The following NOTCH2 variants were observed in gnomAD, a reference collection of about 807,000 sequenced individuals.
The protein encoded by NOTCH2 is notch receptor 2.
Under a neutral mutation model 235.8 loss-of-function variants are expected in NOTCH2, and 29 were observed. The ratio of observed to expected loss-of-function variants is 0.12; its 90% CI spans 0.09 to 0.17. The LOEUF (loss-of-function observed/expected upper bound fraction) is 0.17, where lower values mean the gene tolerates loss of function less well. NOTCH2 is among the 10% of genes least tolerant of loss of function. The probability of loss-of-function intolerance (pLI) is 1.00; values close to 1 mark genes in which losing one functional copy is unlikely to be tolerated. For missense variants in NOTCH2, 2,285 were observed against 3,150.2 expected, an observed-to-expected ratio of 0.73 and a Z score of 6.57; for synonymous variants, 1,086 against 1,141.5, an observed-to-expected ratio of 0.95 and a Z score of 0.98.
chr1:119,937,502 A>G (rs781914429), intron 20 of NOTCH2, 36 bp from the exon 21 acceptor site: 3 of 1,587,870 alleles, frequency 1.9e-6, no homozygotes, highest in Non-Finnish European at 2.6e-6. Flanking sequence ...GTCATAGAAG[A>G]ACATGTGACA....
intron 3 of NOTCH2, among the ~76,000 whole-genome samples, chr1:120,005,003 G>C (rs1170053451): frequency 6.6e-6 from 1 of 152,184 alleles, no homozygotes; most frequent in Non-Finnish European, 1.5e-5. Flanking sequence ...TCCCAGGCTG[G>C]TCTCAAACCT....
chr1:119,951,330 C>T (rs587658549), intron 14 of NOTCH2, among the ~76,000 whole-genome samples: 355 of 152,064 alleles, frequency 2.3e-3, no homozygotes, highest in Non-Finnish European at 3.3e-3. Flanking sequence ...TTTTAAATTT[C>T]TTGTAGAGAT....
intron 24 of NOTCH2, 121 bp from the exon 25 acceptor site, chr1:119,925,931 C>G (rs1254436099): frequency 8.5e-7 from 1 of 1,182,850 alleles, no homozygotes; most frequent in Non-Finnish European, 1.2e-6. Flanking sequence ...TCAGCCCAAG[C>G]CAAGGTTACT....
intron 2 of NOTCH2, among the ~76,000 whole-genome samples, chr1:120,027,785 G>A (rs587716009): frequency 6.6e-6 from 1 of 150,710 alleles, no homozygotes; most frequent in Non-Finnish European, 1.5e-5. Context: ...CTTCATCCAT[G>A]TCCCTGCAAA....
Position 120,069,483 on chromosome 1 carries a change from G to A in NOTCH2, c.-77C>T, listed in dbSNP as rs1359916411. On this transcript the variant is annotated 5_prime_UTR_variant, in exon 1 of 34. Transcript: ENST00000256646. Reference sequence around the variant, plus strand: ...ACATGGGGAGGGGGTCCCGATAGAGGAGCCCCACTCTCTCCTCCCCTCCTC... The same window carrying A: ...ACATGGGGAGGGGGTCCCGATAGAGAAGCCCCACTCTCTCCTCCCCTCCTC... 1.1e-5 allele frequency: 16 copies of A among 1,492,882 alleles called. No individual in the cohort carries two copies. Among genetic ancestry groups the A allele is most frequent in the Admixed American group, 9.8e-5 (4 of 40,938 alleles). The allele number at this position is 1,492,882 out of a possible 1,614,324, so 92.5% of individuals were successfully genotyped here.
chr1:120,036,914 C>T (rs1474982959), intron 1 of NOTCH2, among the ~76,000 whole-genome samples: 1 of 152,220 alleles, frequency 6.6e-6, no homozygotes, highest in Admixed American at 6.5e-5. Flanking sequence ...ATCATACCAG[C>T]TACATATCAC....
intron 1 of NOTCH2, among the ~76,000 whole-genome samples, chr1:120,039,808 C>T (rs1553212481): frequency 6.7e-6 from 1 of 149,860 alleles, no homozygotes; most frequent in African/African-American, 2.4e-5. Context: ...AATCTTCTTG[C>T]TATACACCCA....
At chr1:119,953,421 G>T in intron 14 of NOTCH2, 122 bp downstream of exon 14, 1 of 1,060,208 alleles carries the variant, frequency 9.4e-7, no homozygotes, top group South Asian at 1.3e-5. Flanking sequence ...AAGTCTAATT[G>T]CTCAATATGT....
At chr1:120,006,011 C>T (rs1291836332) in intron 2 of NOTCH2, among the ~76,000 whole-genome samples, 2 of 149,008 alleles carry the variant, frequency 1.3e-5, no homozygotes, top group Admixed American at 6.7e-5. Flanking sequence ...AAGATGTCCA[C>T]AATATAATGC....
At chr1:120,050,186 CACA>C (rs1371850575) in intron 1 of NOTCH2, among the ~76,000 whole-genome samples, 1 of 97,342 alleles carries the variant, frequency 1.0e-5, no homozygotes, top group East Asian at 2.8e-4. Context: ...TCTAGTCAAA[CACA>C]ACAAGATTTA....
At chr1:119,963,506 A>G in intron 11 of NOTCH2, 68 bp downstream of exon 11, 1 of 1,360,446 alleles carries the variant, frequency 7.4e-7, no homozygotes, top group Non-Finnish European at 1.1e-6. Context: ...AACAGTCTGA[A>G]ACATCTGTGT....
chr1:119,954,811 T>A (rs1553198206), intron 13 of NOTCH2, among the ~76,000 whole-genome samples: 1 of 152,224 alleles, frequency 6.6e-6, no homozygotes, highest in African/African-American at 2.4e-5. Flanking sequence ...ATGACCCATA[T>A]AAGGGAGACA....
chr1:119,931,075 C>T (rs587611209), intron 22 of NOTCH2, among the ~76,000 whole-genome samples: 4 of 147,928 alleles, frequency 2.7e-5, no homozygotes, highest in Admixed American at 2.7e-4. Context: ...TGCACTCCAG[C>T]CTGGGCAACA....
rs781833218 is a variant in NOTCH2, at chr1:119,997,339, G to A, written c.416-7C>T. On this transcript the variant is annotated splice_polypyrimidine_tract_variant and splice_region_variant and intron_variant, in intron 3 of 33. Transcript: ENST00000256646. Reference sequence around the variant, plus strand: ...GTCCATTGGCACTCCTTACCTAAAGGAAGGATAACAAAACTCAGTACTGGC... The same window carrying A: ...GTCCATTGGCACTCCTTACCTAAAGAAAGGATAACAAAACTCAGTACTGGC... 9.9e-6 allele frequency: 16 copies of A among 1,613,532 alleles called. No homozygotes were observed. The highest frequency in any genetic ancestry group is 1.4e-5 in the Non-Finnish European group (16 of 1,179,626).
chr1:119,970,012 A>G (rs782218703), intron 5 of NOTCH2, among the ~76,000 whole-genome samples: 1 of 152,216 alleles, frequency 6.6e-6, no homozygotes, highest in Non-Finnish European at 1.5e-5. Flanking sequence ...AAGAGAAGGT[A>G]AAACCTGTAG....
intron 5 of NOTCH2, among the ~76,000 whole-genome samples, chr1:119,979,942 A>G (rs1651748980): frequency 2.0e-5 from 3 of 152,178 alleles, no homozygotes; most frequent in Admixed American, 2.0e-4. Flanking sequence ...AAAATTAAAA[A>G]AAAGACATAG....
At chr1:120,006,867 T>C (rs1553206369) in intron 2 of NOTCH2, among the ~76,000 whole-genome samples, 13 of 152,170 alleles carry the variant, frequency 8.5e-5, no homozygotes, top group Non-Finnish European at 4.4e-5. Context: ...TCCAAGACCT[T>C]TCATTAACCA....
At chr1:120,065,821 T>C (rs1284833629) in intron 1 of NOTCH2, among the ~76,000 whole-genome samples, 3 of 152,166 alleles carry the variant, frequency 2.0e-5, no homozygotes, top group East Asian at 3.8e-4. Context: ...AAATCAATAG[T>C]TCAAATTTAG....
chr1:119,919,750 G>A, intron 30 of NOTCH2, 137 bp from the exon 31 acceptor site: 1 of 840,452 alleles, frequency 1.2e-6, no homozygotes, highest in Non-Finnish European at 1.9e-6. Flanking sequence ...CTGGTTATTA[G>A]TTTCACATTT....
Sources: allele counts gnomAD v4.1 joint callset (sites outside exome capture counted in the v4.1 genomes callset), GRCh38; gene constraint gnomAD v4.1.1; transcripts MANE v1.5; gene names NCBI Gene and HGNC (gene_info 2026-07-23, HGNC 2026-07-21).